The following ZEB2 variants were observed in gnomAD, a reference collection of about 807,000 sequenced individuals.
The protein encoded by ZEB2 is zinc finger E-box-binding homeobox 2.
ZEB2 carries 6 observed loss-of-function variants against 99.9 expected under a neutral mutation model. The ratio of observed to expected loss-of-function variants is 0.06; its 90% CI spans 0.03 to 0.12. The LOEUF (loss-of-function observed/expected upper bound fraction) is 0.12. Ranked by LOEUF, ZEB2 falls within the 10% of genes least tolerant of loss-of-function variation. The pLI is 1.00. For missense variants in ZEB2, 969 were observed against 1,502.8 expected (o/e 0.64, Z 5.87); for synonymous variants, 517 against 542.5 (o/e 0.95, Z 0.65).
chr2:144,404,438 T>C (rs544280394), intron 5 of ZEB2, among the ~76,000 whole-genome samples: 4 of 151,972 alleles, frequency 2.6e-5, no homozygotes, highest in African/African-American at 9.7e-5. Context: ...ACAGTTCCTA[T>C]GAAACCTGTA....
At chr2:144,411,080 T>TATAC (rs1330467728) in intron 4 of ZEB2, among the ~76,000 whole-genome samples, 1 of 109,496 alleles carries the variant, frequency 9.1e-6, no homozygotes, top group Non-Finnish European at 2.0e-5. Context: ...TATATATATA[T>TATAC]ATATATATAT....
At chr2:144,424,097 G>A (rs547592300) in intron 4 of ZEB2, among the ~76,000 whole-genome samples, 2 of 152,276 alleles carry the variant, frequency 1.3e-5, no homozygotes, top group African/African-American at 4.8e-5. Context: ...GAGAGAAGAT[G>A]CCATTCAGTG....
At chr2:144,412,661 G>A (rs1382313592) in intron 4 of ZEB2, among the ~76,000 whole-genome samples, 1 of 152,170 alleles carries the variant, frequency 6.6e-6, no homozygotes, top group Non-Finnish European at 1.5e-5. Flanking sequence ...CCTCTGCCTC[G>A]CATGGCTAAA....
chr2:144,471,598 G>A (rs1171936216), intron 2 of ZEB2, among the ~76,000 whole-genome samples: 1 of 151,084 alleles, frequency 6.6e-6, no homozygotes, highest in Admixed American at 6.6e-5. Flanking sequence ...AAGTAATGGT[G>A]TGGCTTTCTA....
intron 1 of ZEB2, chr2:144,517,738 A>T (rs1705186007): frequency 4.3e-6 from 3 of 698,900 alleles, no homozygotes; most frequent in African/African-American, 3.5e-5. Flanking sequence ...ACTCAGGGCT[A>T]GGCGGACCCT....
chr2:144,513,190 T>C (rs749598506), intron 2 of ZEB2: 2 of 1,287,146 alleles, frequency 1.6e-6, no homozygotes, highest in East Asian at 5.6e-5. Flanking sequence ...CCGTCCCTCA[T>C]TGCCTCTAAC....
chr2:144,423,150 A>T (rs10197313), intron 4 of ZEB2, among the ~76,000 whole-genome samples: 40 of 152,342 alleles, frequency 2.6e-4, no homozygotes, highest in African/African-American at 9.6e-4. Context: ...AACCTTCTGA[A>T]TAGAAGCAAT....
chr2:144,519,859 GAA>G, intron 1 of ZEB2, 78 bp downstream of exon 1: 2 of 377,212 alleles, frequency 5.3e-6, no homozygotes, highest in Non-Finnish European at 1.0e-5. Flanking sequence ...CTCAAAATGA[GAA>G]AATTAGAAAA....
intron 2 of ZEB2, chr2:144,511,306 G>C: frequency 1.1e-6 from 1 of 915,282 alleles, no homozygotes; most frequent in Non-Finnish European, 1.4e-6. Flanking sequence ...CGCATGGATG[G>C]CTTTTCTTCT....
At chr2:144,404,296 C>G (rs1703352403) in intron 5 of ZEB2, among the ~76,000 whole-genome samples, 166 bp from the exon 6 acceptor site, 2 of 147,878 alleles carry the variant, frequency 1.4e-5, no homozygotes, top group African/African-American at 5.0e-5. Flanking sequence ...CCCTCGCATG[C>G]CCAGGACAGA....
intron 2 of ZEB2, among the ~76,000 whole-genome samples, chr2:144,492,499 G>A (rs1167159037): frequency 6.6e-6 from 1 of 152,134 alleles, no homozygotes; most frequent in East Asian, 1.9e-4. Flanking sequence ...GTATTATTAT[G>A]AGAAGCAGAG....
chr2:144,442,016 C>T (rs1703924519), intron 2 of ZEB2, among the ~76,000 whole-genome samples: 2 of 152,104 alleles, frequency 1.3e-5, no homozygotes, highest in East Asian at 1.9e-4. Flanking sequence ...ACAGAACCTC[C>T]GTTTCATTAA....
At chr2:144,407,151 G>A (rs1703398534) in intron 4 of ZEB2, among the ~76,000 whole-genome samples, 1 of 152,294 alleles carries the variant, frequency 6.6e-6, no homozygotes, top group South Asian at 2.1e-4. Context: ...ACACTATGTG[G>A]ACCACTAAAC....
chr2:144,460,683 T>G (rs1196943676), intron 2 of ZEB2, among the ~76,000 whole-genome samples: 1 of 152,172 alleles, frequency 6.6e-6, no homozygotes, highest in Non-Finnish European at 1.5e-5. Context: ...CTTAACTGTA[T>G]TATTTTAAGT....
intron 2 of ZEB2, chr2:144,512,990 T>C: frequency 1.6e-6 from 2 of 1,287,238 alleles, no homozygotes; most frequent in Non-Finnish European, 2.0e-6. Context: ...TTCCACACTT[T>C]GCAAAGATAA....
At chr2:144,483,177 C>T (rs1003823170) in intron 2 of ZEB2, among the ~76,000 whole-genome samples, 2 of 149,694 alleles carry the variant, frequency 1.3e-5, no homozygotes, top group Admixed American at 1.3e-4. Flanking sequence ...CCCTAAGACA[C>T]TGGAAGCATA....
At chr2:144,476,498 C>G (rs1266644356) in intron 2 of ZEB2, among the ~76,000 whole-genome samples, 2 of 152,158 alleles carry the variant, frequency 1.3e-5, no homozygotes, top group Non-Finnish European at 2.9e-5. Flanking sequence ...GTAGAATGCT[C>G]TTTCTCATCA....
intron 9 of ZEB2, among the ~76,000 whole-genome samples, chr2:144,392,573 A>G (rs1323748212): frequency 2.0e-5 from 3 of 152,258 alleles, no homozygotes; most frequent in Non-Finnish European, 4.4e-5. Context: ...GATACCATGC[A>G]AAGGATAGAA....
At chr2:144,496,602 T>G (rs1704763070) in intron 2 of ZEB2, 1 of 152,222 alleles carries the variant, frequency 6.6e-6, no homozygotes, top group Admixed American at 6.5e-5. Context: ...CTGTGTTGCT[T>G]GTAATTCTAG....
Sources: gnomAD v4.1 joint callset for allele counts (sites outside exome capture counted in the v4.1 genomes callset) on GRCh38, gnomAD v4.1.1 for gene constraint, MANE v1.5 for transcripts, NCBI Gene and HGNC (gene_info 2026-07-23, HGNC 2026-07-21) for gene names.